HPSE2: variants seen among roughly 807,000 people sequenced by gnomAD.
HPSE2 encodes the protein inactive heparanase-2.
Under a neutral mutation model 60.5 loss-of-function variants are expected in HPSE2, and 38 were observed. The observed-to-expected ratio is 0.63, with a 90% CI of 0.48 to 0.82. The LOEUF (loss-of-function observed/expected upper bound fraction) is 0.82, where lower values mean the gene tolerates loss of function less well. HPSE2 is among the 40% of genes least tolerant of loss of function. HPSE2 has a pLI of 0.00. For synonymous variants in HPSE2, 295 were observed against 293.2 expected (o/e 1.01, Z -0.06); for missense variants, 713 against 740.4 (o/e 0.96, Z 0.43).
intron 3 of HPSE2, among the ~76,000 whole-genome samples, chr10:98,952,723 T>C (rs1185251269): frequency 6.6e-6 from 1 of 152,028 alleles, no homozygotes; most frequent in African/African-American, 2.4e-5. Flanking sequence ...TATGGTAGGG[T>C]TCTGGTGAGG....
chr10:99,091,920 G>A (rs1398232036), intron 3 of HPSE2, among the ~76,000 whole-genome samples: 3 of 152,124 alleles, frequency 2.0e-5, no homozygotes, highest in Admixed American at 6.5e-5. Flanking sequence ...CTCAAAAGTT[G>A]CTGTCATTTT....
intron 2 of HPSE2, among the ~76,000 whole-genome samples, chr10:99,213,765 G>A (rs527996332): frequency 1.8e-4 from 27 of 152,142 alleles, no homozygotes; most frequent in Admixed American, 1.2e-3. Flanking sequence ...TAATCTATGC[G>A]GCCTTATGCA....
intron 3 of HPSE2, among the ~76,000 whole-genome samples, chr10:98,767,987 A>G (rs1036054560): frequency 1.3e-5 from 2 of 150,636 alleles, no homozygotes; most frequent in African/African-American, 2.4e-5. Context: ...AAAAATAACT[A>G]TCTGTTTATA....
chr10:98,802,014 G>T (rs1321495593), intron 3 of HPSE2, among the ~76,000 whole-genome samples: 1 of 151,798 alleles, frequency 6.6e-6, no homozygotes, highest in Non-Finnish European at 1.5e-5. Context: ...ACAAAATCAA[G>T]AACACCAGAA....
chr10:99,023,219 T>C (rs903820973), intron 3 of HPSE2, among the ~76,000 whole-genome samples: 1 of 152,150 alleles, frequency 6.6e-6, no homozygotes, highest in East Asian at 1.9e-4. Flanking sequence ...CAGTATTCCT[T>C]GTGGCCTGGG....
chr10:99,305,214 G>T, the HPSE2 span, among the ~76,000 whole-genome samples: 150,353 of 152,270 alleles, frequency 0.99, 74,227 homozygotes, highest in East Asian at 1. Context: ...AGCCTCTCTA[G>T]TCCCAATAAA....
At chr10:98,631,318 C>T (rs1163359941) in intron 7 of HPSE2, among the ~76,000 whole-genome samples, 1 of 152,102 alleles carries the variant, frequency 6.6e-6, no homozygotes, top group Non-Finnish European at 1.5e-5. Context: ...ACTGGGGAGG[C>T]AAGGACATTA....
Position 98,996,221 on chromosome 10 carries a change from G to C in HPSE2, c.610+148017C>G, listed in dbSNP as rs1190619644. The stretch of plus-strand genomic sequence containing the variant: ...CATTAATATAAAATGTTAATATTAT[G>C]AAAAGTTGAGTGAAGGTTTATGGGA... On this transcript the variant is annotated intron_variant, in intron 3 of 11. Transcript: ENST00000370552. Among the ~76,000 whole-genome samples the C allele has an allele frequency of 2.0e-5, 3 of 152,068 alleles. 1 individual carries two copies. The highest frequency in any genetic ancestry group is 4.4e-5 in the Non-Finnish European group (3 of 68,004).
At chr10:99,180,889 C>CAAAA (rs68033581) in intron 2 of HPSE2, among the ~76,000 whole-genome samples, 18 of 29,700 alleles carry the variant, frequency 6.1e-4, no homozygotes, top group African/African-American at 3.7e-3. Flanking sequence ...GACTCCATCT[C>CAAAA]AAAAAAAAAA....
At chr10:98,722,782 T>A (rs1948961142) in intron 4 of HPSE2, among the ~76,000 whole-genome samples, 1 of 152,056 alleles carries the variant, frequency 6.6e-6, no homozygotes, top group Non-Finnish European at 1.5e-5. Context: ...AAGGCCAACA[T>A]CTCAGCTGGC....
intron 6 of HPSE2, among the ~76,000 whole-genome samples, chr10:98,654,589 T>C (rs1409949348): frequency 6.6e-6 from 1 of 152,220 alleles, no homozygotes; most frequent in Non-Finnish European, 1.5e-5. Flanking sequence ...CCATTGTAGT[T>C]TCTATCTCTC....
At chr10:98,985,357 A>AT (rs1159477591) in intron 3 of HPSE2, among the ~76,000 whole-genome samples, 10 of 152,206 alleles carry the variant, frequency 6.6e-5, no homozygotes, top group Admixed American at 6.5e-4. Context: ...AAAGAAAAGA[A>AT]TTTTTAACCA....
intron 3 of HPSE2, among the ~76,000 whole-genome samples, chr10:98,982,498 T>C (rs1284626024): frequency 6.6e-6 from 1 of 152,146 alleles, no homozygotes; most frequent in African/African-American, 2.4e-5. Context: ...TATCTAAAAG[T>C]AAAACAAATA....
At position 98,665,675 on chromosome 10, in the gene HPSE2, C is replaced by T. The variant is rs190955374; in HGVS notation, c.1005-23735G>A. ...GAAATTCCAACCAACAATTTCATAT[C>T]CCACCAAACTCAGCTTCATAAGCAA... On this transcript the variant is annotated intron_variant, in intron 6 of 11. Transcript: ENST00000370552. 4.0e-3 allele frequency among the ~76,000 whole-genome samples: 611 copies of T among 152,258 alleles called. 4 individuals carry two copies. Among genetic ancestry groups the T allele is most frequent in the Non-Finnish European group, 4.8e-3 (327 of 68,026 alleles).
intron 3 of HPSE2, among the ~76,000 whole-genome samples, chr10:99,113,473 A>G (rs1285616197): frequency 1.3e-5 from 2 of 152,208 alleles, no homozygotes; most frequent in African/African-American, 2.4e-5. Flanking sequence ...ATACATACGT[A>G]TATACACACA....
intron 3 of HPSE2, among the ~76,000 whole-genome samples, chr10:98,748,423 A>T (rs1275961032): frequency 6.6e-6 from 1 of 152,188 alleles, no homozygotes; most frequent in Non-Finnish European, 1.5e-5. Flanking sequence ...CCCTTAGAAA[A>T]TTTGCTCAGG....
intron 9 of HPSE2, among the ~76,000 whole-genome samples, chr10:98,586,991 T>C (rs897326160): frequency 2.6e-5 from 4 of 152,240 alleles, no homozygotes; most frequent in African/African-American, 7.2e-5. Context: ...TAAGTAAATA[T>C]GATCAACCTC....
At chr10:98,723,596 G>C (rs965463053) in intron 4 of HPSE2, among the ~76,000 whole-genome samples, 5 of 152,224 alleles carry the variant, frequency 3.3e-5, no homozygotes, top group Admixed American at 1.3e-4. Context: ...TCTGGTCCTG[G>C]ACATTTTCTG....
At chr10:99,207,798 AATAGCCACC>A (rs937582453) in intron 2 of HPSE2, among the ~76,000 whole-genome samples, 6 of 151,884 alleles carry the variant, frequency 4.0e-5, no homozygotes, top group African/African-American at 1.4e-4. Context: ...TAGTAGGTTT[AATAGCCACC>A]CCCCACCTTA....
Sources: allele counts gnomAD v4.1 joint callset (sites outside exome capture counted in the v4.1 genomes callset), GRCh38; gene constraint gnomAD v4.1.1; transcripts MANE v1.5; gene names NCBI Gene and HGNC (gene_info 2026-07-23, HGNC 2026-07-21).